Variants in ABCA13 observed in about 807,000 individuals in gnomAD.
ABCA13 encodes the protein ATP binding cassette subfamily A member 13, also known as ATP-binding cassette sub-family A member 13.
In ABCA13, 476 loss-of-function variants were observed where a neutral mutation model predicts 478.7. The observed-to-expected ratio is 0.99, with a 90% CI of 0.92 to 1.07. ABCA13 has a LOEUF of 1.07. Among genes scored for constraint, ABCA13 ranks in the 50% least tolerant of loss-of-function variants. The probability of loss-of-function intolerance (pLI) is 0.00; values close to 1 mark genes in which losing one functional copy is unlikely to be tolerated. For missense variants in ABCA13, 6,060 were observed against 5,910.6 expected (o/e 1.03, Z -0.83); for synonymous variants, 2,252 against 2,158.9 (o/e 1.04, Z -1.20).
intron 1 of ABCA13, among the ~76,000 whole-genome samples, chr7:48,186,769 A>G (rs978308205): frequency 6.6e-6 from 1 of 151,986 alleles, no homozygotes; most frequent in Non-Finnish European, 1.5e-5. Flanking sequence ...TTTTACTTCC[A>G]GAAAGACCAG....
intron 15 of ABCA13, among the ~76,000 whole-genome samples, chr7:48,250,422 A>G (rs1193760973): frequency 1.3e-5 from 2 of 152,164 alleles, no homozygotes; most frequent in African/African-American, 4.8e-5. Context: ...TGAAAGTTCC[A>G]ACCTTCTAAT....
intron 55 of ABCA13, among the ~76,000 whole-genome samples, chr7:48,562,864 T>G (rs963383885): frequency 1.3e-5 from 2 of 152,112 alleles, no homozygotes; most frequent in Non-Finnish European, 2.9e-5. Context: ...TATAAACATG[T>G]GGTATCATCC....
intron 57 of ABCA13, among the ~76,000 whole-genome samples, chr7:48,587,985 T>C (rs1464300422): frequency 1.3e-5 from 2 of 152,200 alleles, no homozygotes; most frequent in African/African-American, 4.8e-5. Flanking sequence ...GTAGAGTGCA[T>C]CTTTGGACTT....
At chr7:48,242,094 G>A (rs1280918762) in intron 10 of ABCA13, among the ~76,000 whole-genome samples, 1 of 151,934 alleles carries the variant, frequency 6.6e-6, no homozygotes, top group East Asian at 1.9e-4. Flanking sequence ...ATTGCACTGG[G>A]GATATTGAAA....
intron 55 of ABCA13, among the ~76,000 whole-genome samples, chr7:48,535,071 T>A (rs760049684): frequency 7.9e-5 from 12 of 152,080 alleles, no homozygotes; most frequent in Non-Finnish European, 1.6e-4. Context: ...CTTTTAGGGG[T>A]GTTAAAGAAT....
chr7:48,477,905 G>C (rs1828313422), intron 45 of ABCA13, among the ~76,000 whole-genome samples: 2 of 151,906 alleles, frequency 1.3e-5, no homozygotes, highest in Admixed American at 6.6e-5. Context: ...ATAAAAAAAA[G>C]AATGAGACCA....
rs186336486 is a variant in ABCA13, at chr7:48,451,220, A to G, written c.12566-3817A>G. On this transcript the variant is annotated intron_variant, in intron 42 of 61. Transcript: ENST00000435803. ...ACCATGTTGGACACGCTGGTCTTGA[A>G]CTCCTGACCTCAGGTAATCTGCTCC... is the stretch of plus-strand genomic sequence containing the variant. Among the ~76,000 whole-genome samples the G allele has an allele frequency of 1.8e-4, 27 of 151,136 alleles. No individual in the cohort carries two copies. In the East Asian group the frequency reaches 4.9e-3, roughly 27 times the overall value.
chr7:48,424,956 G>A (rs1435377470), intron 41 of ABCA13, among the ~76,000 whole-genome samples: 2 of 152,178 alleles, frequency 1.3e-5, no homozygotes, highest in Non-Finnish European at 2.9e-5. Context: ...TGCAGTTAAG[G>A]TGAGTTGCCA....
intron 55 of ABCA13, among the ~76,000 whole-genome samples, chr7:48,577,760 C>A (rs575679778): frequency 1.3e-5 from 2 of 152,002 alleles, no homozygotes; most frequent in Non-Finnish European, 2.9e-5. Flanking sequence ...TGAAACCAGA[C>A]AAGGGCATTA....
At chr7:48,465,525 T>C (rs1481427754) in intron 43 of ABCA13, among the ~76,000 whole-genome samples, 4 of 67,572 alleles carry the variant, frequency 5.9e-5, no homozygotes, top group African/African-American at 2.3e-4. Flanking sequence ...TTCTTCTTTC[T>C]TTTTTTTTTT....
chr7:48,412,686 G>T (rs1173372971), intron 41 of ABCA13, 103 bp downstream of exon 41: 2 of 713,220 alleles, frequency 2.8e-6, no homozygotes, highest in Non-Finnish European at 4.1e-6. Context: ...GGGTAAGGGG[G>T]AGGAGTGTGC....
Position 48,193,143 on chromosome 7 carries a change from G to A in ABCA13, c.163+91G>A, listed in dbSNP as rs991181128. On this transcript the variant is annotated intron_variant, in intron 2 of 61. Coordinates refer to ENST00000435803, the MANE Select transcript of ABCA13 (RefSeq NM_152701.5). The stretch of plus-strand genomic sequence containing the variant: ...TTCTTGTTTTTTATAAACTCTGAAT[G>A]CTGAGTGAAATGAATAGATAGGGTT... 1.4e-5 allele frequency: 13 copies of A among 907,794 alleles called. No individual in the cohort carries two copies. In the Admixed American group the frequency reaches 1.5e-4, roughly 10 times the overall value. 56.2% of individuals were successfully genotyped at this position (907,794 alleles called of 1,614,324 possible). A position where few individuals can be genotyped will look rare whatever the true frequency, so the allele number is the denominator to read the frequency against.
intron 42 of ABCA13, among the ~76,000 whole-genome samples, chr7:48,441,929 G>C (rs1021248185): frequency 2.6e-5 from 4 of 152,106 alleles, no homozygotes; most frequent in Non-Finnish European, 5.9e-5. Context: ...AAATTAGCAT[G>C]GTGAAACCTA....
At position 48,278,819 on chromosome 7, in the gene ABCA13, C is replaced by T. The variant is rs376268823; in HGVS notation, c.7625C>T (p.Thr2542Ile). 38 of 1,613,680 alleles carry T rather than the reference C, an allele frequency of 2.4e-5. 1 individual carries two copies. The African/African-American group carries it at 4.4e-4, about 19-fold the overall frequency. ...VSGKMSTVFK[T>I]HFISNTKDSV... ...GGGAAGATGTCCACAGTTTTTAAAACTCATTTTATCTCCAATACCAAGGAC... is the reference window on the plus strand; with the variant it reads ...GGGAAGATGTCCACAGTTTTTAAAATTCATTTTATCTCCAATACCAAGGAC... The change falls in exon 18 of 62, where the codon ACT becomes ATT. Residue 2542 changes from threonine to isoleucine, a missense_variant. Coordinates refer to ENST00000435803, the MANE Select transcript of ABCA13 (RefSeq NM_152701.5).
In ABCA13 at chr7:48,388,023, T is replaced by G. The variant is rs1585113074; in HGVS notation, c.11473+64T>G. On this transcript the variant is annotated intron_variant, in intron 36 of 61. Transcript: ENST00000435803. ...CCTTTGATCCATTTTGATTTTTTTTTGTTTGTTTTTATGGTCCAGCCTTTT... is the reference window on the plus strand; with the variant it reads ...CCTTTGATCCATTTTGATTTTTTTTGGTTTGTTTTTATGGTCCAGCCTTTT... 4 of 1,546,684 alleles carry G rather than the reference T, an allele frequency of 2.6e-6. No individual in the cohort carries two copies. The East Asian group carries it at 6.8e-5, about 26-fold the overall frequency.
rs79217470 is a variant in ABCA13 at position 48,597,561 on chromosome 7, G to A, written c.14744+2748G>A. ...GTTATTTCCCAAATTGGCCTTATCA[G>A]TATATGTTCCCAGCAACAATGATGA... On this transcript the variant is annotated intron_variant, in intron 58 of 61. Transcript: ENST00000435803. Among the ~76,000 whole-genome samples, 527 of 152,304 alleles carry A rather than the reference G, an allele frequency of 3.5e-3. 3 individuals are homozygous for A. Among genetic ancestry groups the A allele is most frequent in the African/African-American group, 0.012 (490 of 41,578 alleles).
intron 55 of ABCA13, among the ~76,000 whole-genome samples, chr7:48,543,940 G>A (rs1297741864): frequency 6.6e-6 from 1 of 151,606 alleles, no homozygotes; most frequent in Non-Finnish European, 1.5e-5. Context: ...TGGGAAATTT[G>A]TGCCTAGGGA....
At position 48,271,937 on chromosome 7, in the gene ABCA13, C is replaced by T. The variant is rs755545159; in HGVS notation, c.2271C>T (p.Phe757=). The T allele has an allele frequency of 6.2e-7, 1 of 1,613,582 alleles. No homozygotes were observed. Among genetic ancestry groups the T allele is most frequent in the South Asian group, 1.1e-5 (1 of 91,040 alleles). Residue 757 remains phenylalanine, a synonymous_variant, in exon 17 of 62, where the codon TTC becomes TTT. Coordinates refer to ENST00000435803, the MANE Select transcript of ABCA13 (RefSeq NM_152701.5). Reference sequence around the variant, plus strand: ...TTGACTCCTCCATTGTTCCCAGTTTCCACAGCCTCCCATCTCTCACAGAGG... The same window carrying T: ...TTGACTCCTCCATTGTTCCCAGTTTTCACAGCCTCCCATCTCTCACAGAGG... ...NLFDSSIVPS[F]HSLPSLTEDI...
At position 48,180,921 on chromosome 7, in the gene ABCA13, G is replaced by GAAAC. The variant is rs374297013; in HGVS notation, c.69+9393_69+9396dup. Among the ~76,000 whole-genome samples the GAAAC allele has an allele frequency of 7.0e-4, 106 of 151,918 alleles. 1 individual carries two copies. Among genetic ancestry groups the GAAAC allele is most frequent in the Middle Eastern group, 3.4e-3 (1 of 294 alleles). ...CACCTCAAACAAAACAAAAGGAAATGAAACAAACAAACAAACAAACAAACA... is the reference window on the plus strand; with the variant it reads ...CACCTCAAACAAAACAAAAGGAAATGAAACAAACAAACAAACAAACAAACAAACA... On this transcript the variant is annotated intron_variant, in intron 1 of 61. Transcript: ENST00000435803.
Sources: gnomAD v4.1 joint callset for allele counts (sites outside exome capture counted in the v4.1 genomes callset) on GRCh38, gnomAD v4.1.1 for gene constraint, MANE v1.5 for transcripts, NCBI Gene and HGNC (gene_info 2026-07-23, HGNC 2026-07-21) for gene names.